Variants in STK3 observed in about 807,000 individuals in gnomAD.
The protein encoded by STK3 is serine/threonine-protein kinase 3.
Under a neutral mutation model 58.0 loss-of-function variants are expected in STK3, and 41 were observed. The observed-to-expected ratio is 0.71, with a 90% CI of 0.55 to 0.92. The LOEUF (loss-of-function observed/expected upper bound fraction) is 0.92, where lower values mean the gene tolerates loss of function less well. Ranked by LOEUF, STK3 falls within the 40% of genes least tolerant of loss-of-function variation. The pLI, the probability that STK3 is intolerant of heterozygous loss-of-function variation, is 0.00. For missense variants in STK3, 479 were observed against 602.7 expected (o/e 0.79, Z 2.15); for synonymous variants, 170 against 191.0 (o/e 0.89, Z 0.91).
intron 10 of STK3, among the ~76,000 whole-genome samples, chr8:98,525,977 T>A (rs1014484494): frequency 6.6e-6 from 1 of 151,888 alleles, no homozygotes; most frequent in Non-Finnish European, 1.5e-5. Context: ...TATAAAGTTA[T>A]TTTGTTTGGG....
At chr8:98,395,234 A>T (rs1817887546) in intron 3 of STK3, among the ~76,000 whole-genome samples, 1 of 152,136 alleles carries the variant, frequency 6.6e-6, no homozygotes, top group Non-Finnish European at 1.5e-5. Context: ...CTGGCATCTG[A>T]TTAAAAAAAA....
chr8:98,381,026 A>C (rs186342593), intron 1 of STK3, among the ~76,000 whole-genome samples: 10 of 126,428 alleles, frequency 7.9e-5, no homozygotes, highest in Admixed American at 2.1e-4. Context: ...GCTGGAGTGC[A>C]ATGGCGCAAT....
intron 4 of STK3, among the ~76,000 whole-genome samples, chr8:98,724,354 G>C (rs1563932027): frequency 6.6e-6 from 1 of 152,184 alleles, no homozygotes; most frequent in Non-Finnish European, 1.5e-5. Flanking sequence ...CTAAAAGAGT[G>C]AACAAAGTTT....
intron 3 of STK3, among the ~76,000 whole-genome samples, chr8:98,416,384 TTTGCTA>T (rs1818115011): frequency 1.1e-5 from 1 of 88,472 alleles, no homozygotes; most frequent in Non-Finnish European, 2.5e-5. Flanking sequence ...TTTTTTTTTT[TTTGCTA>T]AGTGATTTGG....
chr8:98,671,868 G>T (rs933115043), intron 6 of STK3, among the ~76,000 whole-genome samples: 1 of 152,146 alleles, frequency 6.6e-6, no homozygotes, highest in Non-Finnish European at 1.5e-5. Context: ...GGAGATAACT[G>T]AATCACAGGG....
At chr8:98,842,078 G>T (rs1836012480) in intron 3 of STK3, among the ~76,000 whole-genome samples, 1 of 152,030 alleles carries the variant, frequency 6.6e-6, no homozygotes, top group East Asian at 1.9e-4. Context: ...TAATCCAAAA[G>T]AAAACTATAT....
intron 4 of STK3, among the ~76,000 whole-genome samples, chr8:98,749,029 A>G (rs541198103): frequency 2.0e-5 from 3 of 152,068 alleles, no homozygotes; most frequent in African/African-American, 7.2e-5. Flanking sequence ...GAGAAGTACC[A>G]TGGTAGTTTC....
intron 1 of STK3, among the ~76,000 whole-genome samples, chr8:98,931,381 T>C (rs924312310): frequency 6.6e-6 from 1 of 152,150 alleles, no homozygotes; most frequent in African/African-American, 2.4e-5. Flanking sequence ...GTCTACTTTA[T>C]GGAAGTAAGT....
At chr8:98,466,231 T>C (rs979401558) in intron 10 of STK3, among the ~76,000 whole-genome samples, 1 of 152,172 alleles carries the variant, frequency 6.6e-6, no homozygotes, top group African/African-American at 2.4e-5. Flanking sequence ...TTATGGAAGA[T>C]CACAAACATT....
At chr8:98,378,346 T>C (rs772801180) in intron 2 of STK3, among the ~76,000 whole-genome samples, 7 of 152,206 alleles carry the variant, frequency 4.6e-5, no homozygotes, top group Non-Finnish European at 8.8e-5. Flanking sequence ...CTCAGAACAC[T>C]CTACTTGCCT....
At chr8:98,725,712 T>A (rs1317088161) in intron 4 of STK3, among the ~76,000 whole-genome samples, 1 of 152,148 alleles carries the variant, frequency 6.6e-6, no homozygotes, top group Non-Finnish European at 1.5e-5. Context: ...AATTCTTAAA[T>A]CACTTGTGAT....
At chr8:98,378,605 A>T (rs1817699762) in intron 2 of STK3, among the ~76,000 whole-genome samples, 1 of 152,224 alleles carries the variant, frequency 6.6e-6, no homozygotes. Flanking sequence ...TGCCTGATAC[A>T]CAGTGTGAAT....
In STK3 at chr8:98,760,332, G is replaced by T. The variant is rs1472632929; in HGVS notation, c.236+6911C>A. 6.6e-5 allele frequency among the ~76,000 whole-genome samples: 10 copies of T among 152,148 alleles called. No individual in the cohort carries two copies. In the South Asian group the frequency reaches 1.9e-3, roughly 28 times the overall value. On this transcript the variant is annotated intron_variant, in intron 3 of 10. Coordinates refer to ENST00000419617, the MANE Select transcript of STK3 (RefSeq NM_006281.4). ...TTTTTTTATTTTTTGTACAGACAGG[G>T]TCTCACTACGTTATCCAGGCTGCTC...
downstream of STK3, chr8:98,401,261 C>T (rs1817941290): frequency 6.6e-6 from 1 of 152,256 alleles, no homozygotes; most frequent in Non-Finnish European, 1.5e-5. Flanking sequence ...AGACACCAGA[C>T]ATGTGGATGG....
intron 10 of STK3, among the ~76,000 whole-genome samples, chr8:98,469,251 G>A (rs1476051810): frequency 1.9e-5 from 2 of 105,814 alleles, no homozygotes; most frequent in Non-Finnish European, 4.0e-5. Flanking sequence ...GCTTTTCTTT[G>A]CGGGGGCGGG....
At chr8:98,554,153 C>T (rs1465260864) in intron 8 of STK3, among the ~76,000 whole-genome samples, 1 of 152,102 alleles carries the variant, frequency 6.6e-6, no homozygotes, top group Non-Finnish European at 1.5e-5. Context: ...AAACTATCTA[C>T]AGCATTTCTC....
chr8:98,565,055 T>TA (rs1812363955), intron 8 of STK3, among the ~76,000 whole-genome samples: 1 of 152,174 alleles, frequency 6.6e-6, no homozygotes, highest in Non-Finnish European at 1.5e-5. Context: ...AAAGTTAACT[T>TA]AAAAAATTGA....
chr8:98,605,980 C>T (rs1212923230), intron 6 of STK3, among the ~76,000 whole-genome samples: 3 of 152,172 alleles, frequency 2.0e-5, no homozygotes, highest in Non-Finnish European at 2.9e-5. Context: ...GTAATCCCAG[C>T]GCTTTGAGAG....
intron 10 of STK3, among the ~76,000 whole-genome samples, chr8:98,506,751 G>A: frequency 6.6e-6 from 1 of 152,072 alleles, no homozygotes; most frequent in East Asian, 1.9e-4. Context: ...AAGAACCAAA[G>A]ACTCAACGAA....
Sources: allele counts gnomAD v4.1 joint callset (sites outside exome capture counted in the v4.1 genomes callset), GRCh38; gene constraint gnomAD v4.1.1; transcripts MANE v1.5; gene names NCBI Gene and HGNC (gene_info 2026-07-23, HGNC 2026-07-21).